MYOCD: variants seen among roughly 807,000 people sequenced by gnomAD.
MYOCD encodes the protein myocardin.
Under a neutral mutation model 96.1 loss-of-function variants are expected in MYOCD, and 32 were observed. That is an observed-to-expected ratio of 0.33 (90% CI 0.25 to 0.45). The LOEUF is 0.45. Among genes scored for constraint, MYOCD ranks in the 20% least tolerant of loss-of-function variants. The pLI, the probability that MYOCD is intolerant of heterozygous loss-of-function variation, is 1.00. For missense variants in MYOCD, 1,133 were observed against 1,200.6 expected, an observed-to-expected ratio of 0.94 and a Z score of 0.83; for synonymous variants, 469 against 469.0, an observed-to-expected ratio of 1.00 and a Z score of 0.00.
chr17:12,730,993 C>T (rs568898184), intron 5 of MYOCD, among the ~76,000 whole-genome samples: 41 of 152,274 alleles, frequency 2.7e-4, no homozygotes, highest in African/African-American at 8.9e-4. Context: ...GGAGAGGCTC[C>T]GAGTCACCAG....
chr17:12,666,339 A>T, intron 1 of MYOCD, 96 bp downstream of exon 1: 2 of 937,518 alleles, frequency 2.1e-6, no homozygotes, highest in Admixed American at 2.0e-5. Context: ...AAAGCCTGCC[A>T]GGTCTACCTC....
intron 1 of MYOCD, among the ~76,000 whole-genome samples, chr17:12,689,872 A>G (rs1415442307): frequency 6.6e-6 from 1 of 152,190 alleles, no homozygotes; most frequent in Non-Finnish European, 1.5e-5. Context: ...CTTTTGTAAC[A>G]CTATACACTA....
At chr17:12,676,594 A>G (rs1597723966) in intron 1 of MYOCD, among the ~76,000 whole-genome samples, 1 of 152,206 alleles carries the variant, frequency 6.6e-6, no homozygotes, top group South Asian at 2.1e-4. Flanking sequence ...TAACAATACC[A>G]TATTTGCATA....
intron 1 of MYOCD, among the ~76,000 whole-genome samples, chr17:12,684,733 C>T (rs2030004393): frequency 2.0e-5 from 3 of 151,552 alleles, no homozygotes; most frequent in Admixed American, 1.3e-4. Context: ...GTAGTCCCAG[C>T]TACTCGGGAG....
chr17:12,678,971 GAT>G (rs1910278311), intron 1 of MYOCD, among the ~76,000 whole-genome samples: 1 of 152,094 alleles, frequency 6.6e-6, no homozygotes, highest in African/African-American at 2.4e-5. Flanking sequence ...TTACAAGTTT[GAT>G]TGTACAGATG....
intron 5 of MYOCD, among the ~76,000 whole-genome samples, chr17:12,734,717 G>A (rs1017702730): frequency 6.6e-6 from 1 of 151,718 alleles, no homozygotes; most frequent in Non-Finnish European, 1.5e-5. Flanking sequence ...CACCATGTTG[G>A]CCAGGCTGGT....
chr17:12,717,709 C>G (rs539679138), intron 4 of MYOCD, among the ~76,000 whole-genome samples: 2 of 152,164 alleles, frequency 1.3e-5, no homozygotes, highest in African/African-American at 2.4e-5. Flanking sequence ...GCATGGAACA[C>G]GTCCAACATG....
chr17:12,732,471 T>C (rs1217031489), intron 5 of MYOCD, among the ~76,000 whole-genome samples: 2 of 152,134 alleles, frequency 1.3e-5, no homozygotes, highest in African/African-American at 4.8e-5. Context: ...CATCGCTGTC[T>C]CCTCTCTGTA....
chr17:12,725,413 T>C lies in MYOCD; in HGVS notation c.415+2405T>C, dbSNP rs184411209. On this transcript the variant is annotated intron_variant, in intron 5 of 13. Coordinates refer to ENST00000425538, the MANE Select transcript of MYOCD (RefSeq NM_001146312.3). ...TATTATTTATGCATTATACACACTTTATATAAATTATATATTATAAAGTAT... is the reference window on the plus strand; with the variant it reads ...TATTATTTATGCATTATACACACTTCATATAAATTATATATTATAAAGTAT... 7.5e-3 allele frequency among the ~76,000 whole-genome samples: 1,115 copies of C among 148,726 alleles called. 39 individuals are homozygous for C. Among genetic ancestry groups the C allele is most frequent in the Admixed American group, 0.069 (1,027 of 14,846 alleles).
Position 12,766,749 on chromosome 17 carries a change from T to A in MYOCD, c.*3105T>A, listed in dbSNP as rs2033349428. On this transcript the variant is annotated 3_prime_UTR_variant, in exon 14 of 14. Coordinates refer to ENST00000425538, the MANE Select transcript of MYOCD (RefSeq NM_001146312.3). The stretch of plus-strand genomic sequence containing the variant: ...AACCTGAAGATGACCATGTGTAGTT[T>A]TCTTAAGACCTCTGAACCCCCATGG... The A allele has an allele frequency of 6.6e-6, 1 of 152,212 alleles. No homozygotes were observed. The allele number at this position is 152,212 out of a possible 1,614,324, so 9.4% of individuals were successfully genotyped here. A position where few individuals can be genotyped will look rare whatever the true frequency, so the allele number is the denominator to read the frequency against.
chr17:12,683,331 A>G (rs1177576614), intron 1 of MYOCD, among the ~76,000 whole-genome samples: 1 of 152,184 alleles, frequency 6.6e-6, no homozygotes, highest in Non-Finnish European at 1.5e-5. Flanking sequence ...ACCCAGTGGA[A>G]AACCGTTTCA....
At position 12,745,941 on chromosome 17, in the gene MYOCD, A is replaced by G. The variant is rs2032651505; in HGVS notation, c.994A>G (p.Arg332Gly). ...TAGGGAACCAAATGAACAGATGGTC[A>G]GAAATCCAAACTCTTCTTCAACGCC... is the stretch of plus-strand genomic sequence containing the variant. ...QLKEPNEQMV[R>G]NPNSSSTPLS... The change falls in exon 9 of 14, where the codon AGA becomes GGA. Residue 332 changes from arginine to glycine, a missense_variant. Arg to Gly is a moderately radical substitution (Grantham distance 125). Transcript: ENST00000425538. 2.5e-6 allele frequency: 4 copies of G among 1,614,030 alleles called. No individual in the cohort carries two copies. Among genetic ancestry groups the G allele is most frequent in the Non-Finnish European group, 2.5e-6 (3 of 1,180,026 alleles).
intron 5 of MYOCD, among the ~76,000 whole-genome samples, chr17:12,730,170 AG>A (rs1006503639): frequency 6.6e-6 from 1 of 151,986 alleles, no homozygotes; most frequent in Non-Finnish European, 1.5e-5. Flanking sequence ...AAAAAAGGCC[AG>A]GCGTGGTGGC....
In MYOCD at chr17:12,763,458, G is replaced by T; in HGVS notation, c.2775G>T (p.Gly925=). 1 of 1,614,050 alleles carries T rather than the reference G, an allele frequency of 6.2e-7. No individual in the cohort carries two copies. The highest frequency in any genetic ancestry group is 2.2e-5 in the East Asian group (1 of 44,866). The change falls in exon 14 of 14, where the codon GGG becomes GGT. Residue 925 remains glycine, a synonymous_variant. Transcript: ENST00000425538. Reference sequence around the variant, plus strand: ...CACCCTCTTCTGTGGACAGCAATGGGCTGCAGTTAAGCTTCACTGAATCTC... The same window carrying T: ...CACCCTCTTCTGTGGACAGCAATGGTCTGCAGTTAAGCTTCACTGAATCTC... ...QFSPSSVDSN[G]LQLSFTESPW... is the part of the protein sequence containing the mutation.
chr17:12,722,708 T>C, intron 4 of MYOCD, 139 bp from the exon 5 acceptor site: 3 of 665,350 alleles, frequency 4.5e-6, no homozygotes, highest in South Asian at 4.5e-5. Flanking sequence ...TGTAAAGTGA[T>C]GATGATTGCA....
chr17:12,694,955 T>C (rs1208207141), intron 1 of MYOCD, among the ~76,000 whole-genome samples: 1 of 149,450 alleles, frequency 6.7e-6, no homozygotes, highest in Non-Finnish European at 1.5e-5. Context: ...ATTTGATGGG[T>C]ATTAAATGGC....
In MYOCD at chr17:12,691,940, C is replaced by T. The variant is rs1047991318; in HGVS notation, c.56-13188C>T. ...ATGATTTATGTAAAACACTTCAGTC[C>T]CCAAGACTGGCACTTTTCAATTCTG... On this transcript the variant is annotated intron_variant, in intron 1 of 13. Transcript: ENST00000425538. 4.6e-5 allele frequency among the ~76,000 whole-genome samples: 7 copies of T among 152,260 alleles called. No individual in the cohort carries two copies. In the South Asian group the frequency reaches 1.0e-3, roughly 23 times the overall value.
chr17:12,695,046 T>C (rs753991859), intron 1 of MYOCD, among the ~76,000 whole-genome samples: 1 of 152,012 alleles, frequency 6.6e-6, no homozygotes, highest in Non-Finnish European at 1.5e-5. Context: ...CACAAACATA[T>C]AGGAAAAAGG....
chr17:12,750,321 C>T (rs577152195), intron 9 of MYOCD, among the ~76,000 whole-genome samples: 2 of 152,148 alleles, frequency 1.3e-5, no homozygotes, highest in Non-Finnish European at 2.9e-5. Flanking sequence ...CCAACTAGCT[C>T]CCAGGCGATG....
Sources: gnomAD v4.1 joint callset for allele counts (sites outside exome capture counted in the v4.1 genomes callset) on GRCh38, gnomAD v4.1.1 for gene constraint, MANE v1.5 for transcripts, NCBI Gene and HGNC (gene_info 2026-07-23, HGNC 2026-07-21) for gene names.